Variants in PDE8B observed in about 807,000 individuals in gnomAD.
PDE8B encodes phosphodiesterase 8B.
Under a neutral mutation model 101.3 loss-of-function variants are expected in PDE8B, and 26 were observed. The ratio of observed to expected loss-of-function variants is 0.26; its 90% CI spans 0.19 to 0.36. The LOEUF (loss-of-function observed/expected upper bound fraction) is 0.36. Ranked by LOEUF, PDE8B falls within the 10% of genes least tolerant of loss-of-function variation. The pLI is 1.00. For missense variants in PDE8B, 810 were observed against 1,163.1 expected (o/e 0.70, Z 4.42); for synonymous variants, 424 against 429.3 (o/e 0.99, Z 0.15).
At chr5:77,363,626 C>G (rs907107719) in intron 10 of PDE8B, among the ~76,000 whole-genome samples, 2 of 151,156 alleles carry the variant, frequency 1.3e-5, no homozygotes, top group Non-Finnish European at 2.9e-5. Flanking sequence ...GCAGGAGACT[C>G]ACTTGAATCC....
chr5:77,086,752 G>A, the PDE8B span: 1 of 152,248 alleles, frequency 6.6e-6, no homozygotes, highest in African/African-American at 2.4e-5. Context: ...AGAACCCACT[G>A]CAGGGCGTCC....
chr5:77,108,099 A>T, the PDE8B span, among the ~76,000 whole-genome samples: 7 of 152,228 alleles, frequency 4.6e-5, no homozygotes, highest in African/African-American at 1.7e-4. Flanking sequence ...CAGTTATAGC[A>T]CTGGGATTGC....
At chr5:77,240,442 C>T (rs1224161620) in intron 1 of PDE8B, among the ~76,000 whole-genome samples, 1 of 152,326 alleles carries the variant, frequency 6.6e-6, no homozygotes, top group East Asian at 1.9e-4. Flanking sequence ...CGTGAGCCAC[C>T]GCGCCCGGCC....
intron 1 of PDE8B, among the ~76,000 whole-genome samples, chr5:77,279,385 A>G (rs1315292177): frequency 2.0e-5 from 3 of 152,220 alleles, no homozygotes; most frequent in African/African-American, 4.8e-5. Context: ...ACTAGAGTCT[A>G]TAATGCTACT....
At chr5:77,217,434 A>G (rs1750027657) in intron 1 of PDE8B, among the ~76,000 whole-genome samples, 1 of 152,226 alleles carries the variant, frequency 6.6e-6, no homozygotes, top group Non-Finnish European at 1.5e-5. Flanking sequence ...CATTTAGAAC[A>G]TATTTAAAAA....
At chr5:77,390,168 C>G (rs897819053) in intron 10 of PDE8B, among the ~76,000 whole-genome samples, 5 of 152,128 alleles carry the variant, frequency 3.3e-5, no homozygotes, top group Non-Finnish European at 7.4e-5. Context: ...ACAAATGACC[C>G]TGAAATCATG....
intron 1 of PDE8B, among the ~76,000 whole-genome samples, chr5:77,252,877 G>A (rs1758345449): frequency 1.3e-5 from 2 of 152,170 alleles, no homozygotes; most frequent in South Asian, 4.1e-4. Context: ...AGTTTAAGGA[G>A]ATAATTTTCT....
intron 1 of PDE8B, among the ~76,000 whole-genome samples, chr5:77,295,631 A>G (rs1362858040): frequency 1.3e-5 from 2 of 152,144 alleles, no homozygotes; most frequent in South Asian, 2.1e-4. Context: ...ATATCATCAG[A>G]TCTCTCTAAT....
chr5:77,356,232 G>A (rs1422120577), intron 10 of PDE8B, among the ~76,000 whole-genome samples: 1 of 152,066 alleles, frequency 6.6e-6, no homozygotes, highest in Non-Finnish European at 1.5e-5. Flanking sequence ...GCCTATCTCA[G>A]CCCCTGCATA....
intron 19 of PDE8B, among the ~76,000 whole-genome samples, chr5:77,420,800 C>G (rs149452036): frequency 6.6e-6 from 1 of 152,224 alleles, no homozygotes; most frequent in African/African-American, 2.4e-5. Flanking sequence ...AGGTCATCCA[C>G]TCATGTAAGC....
chr5:77,172,078 A>G, the PDE8B span, among the ~76,000 whole-genome samples: 1 of 152,202 alleles, frequency 6.6e-6, no homozygotes, highest in East Asian at 1.9e-4. Flanking sequence ...ACTTTTTCTC[A>G]GCAATTTATT....
chr5:77,321,962 G>C (rs1378897934), intron 2 of PDE8B, among the ~76,000 whole-genome samples: 1 of 152,098 alleles, frequency 6.6e-6, no homozygotes, highest in African/African-American at 2.4e-5. Flanking sequence ...GCCACCCAGG[G>C]CCACACTGGG....
intron 15 of PDE8B, 80 bp from the exon 16 acceptor site, chr5:77,412,020 A>T: frequency 1.4e-6 from 2 of 1,423,342 alleles, no homozygotes; most frequent in Admixed American, 1.7e-5. Context: ...TCTAGTAGTA[A>T]CTATGAAGAT....
chr5:77,381,129 A>G (rs1787365407), intron 10 of PDE8B, among the ~76,000 whole-genome samples: 1 of 152,202 alleles, frequency 6.6e-6, no homozygotes, highest in African/African-American at 2.4e-5. Flanking sequence ...CCTCATAGCC[A>G]GCTCGCTGCC....
chr5:77,290,558 C>T (rs1767070788), intron 1 of PDE8B: 12 of 1,489,288 alleles, frequency 8.1e-6, no homozygotes, highest in African/African-American at 1.4e-5. Context: ...GGGAGAAGAT[C>T]CAAGTACTAG....
the PDE8B span, among the ~76,000 whole-genome samples, chr5:77,166,125 T>G: frequency 6.7e-6 from 1 of 148,812 alleles, no homozygotes; most frequent in African/African-American, 2.5e-5. Context: ...GCAGAAGAAA[T>G]GATGGAAGGA....
At chr5:77,094,605 A>AT in the PDE8B span, among the ~76,000 whole-genome samples, 7 of 152,010 alleles carry the variant, frequency 4.6e-5, no homozygotes, top group South Asian at 2.1e-4. Context: ...TATGCCTGCC[A>AT]TTTTTTTTAA....
intron 1 of PDE8B, among the ~76,000 whole-genome samples, chr5:77,283,387 G>C (rs1007942934): frequency 2.1e-4 from 32 of 152,144 alleles, no homozygotes; most frequent in African/African-American, 7.7e-4. Context: ...GTTCACTCTT[G>C]ATGTTGTACC....
the PDE8B span, among the ~76,000 whole-genome samples, chr5:77,162,828 C>G: frequency 6.6e-6 from 1 of 152,182 alleles, no homozygotes; most frequent in African/African-American, 2.4e-5. Flanking sequence ...TCACAGAGAT[C>G]TAATTTGTAA....
Sources: allele counts gnomAD v4.1 joint callset (sites outside exome capture counted in the v4.1 genomes callset), GRCh38; gene constraint gnomAD v4.1.1; transcripts MANE v1.5; gene names NCBI Gene and HGNC (gene_info 2026-07-23, HGNC 2026-07-21).